ELAPOR2: variants seen among roughly 807,000 people sequenced by gnomAD.
ELAPOR2 encodes the protein endosome/lysosome-associated apoptosis and autophagy regulator family member 2.
A neutral mutation model predicts 120.7 loss-of-function variants in ELAPOR2; 89 were observed. That is an observed-to-expected ratio of 0.74 (90% CI 0.62 to 0.88). The LOEUF (loss-of-function observed/expected upper bound fraction) is 0.88. Among genes scored for constraint, ELAPOR2 ranks in the 40% least tolerant of loss-of-function variants. ELAPOR2 has a pLI of 0.00. For synonymous variants in ELAPOR2, 444 were observed against 444.9 expected, an observed-to-expected ratio of 1.00 and a Z score of 0.03; for missense variants, 1,134 against 1,251.6, an observed-to-expected ratio of 0.91 and a Z score of 1.42.
At chr7:87,003,674 A>G (rs763765351) in intron 1 of ELAPOR2, among the ~76,000 whole-genome samples, 3 of 152,144 alleles carry the variant, frequency 2.0e-5, no homozygotes, top group Non-Finnish European at 4.4e-5. Context: ...GGTCTTTATA[A>G]CAATGTGAGA....
intron 18 of ELAPOR2, among the ~76,000 whole-genome samples, chr7:86,905,992 C>T (rs762661870): frequency 3.3e-5 from 5 of 152,226 alleles, no homozygotes; most frequent in African/African-American, 4.8e-5. Context: ...ACACACCTTA[C>T]GAGAGTTAGA....
At chr7:86,912,308 G>A in intron 14 of ELAPOR2, 63 bp from the exon 15 acceptor site, 1 of 1,149,100 alleles carries the variant, frequency 8.7e-7, no homozygotes, top group Non-Finnish European at 1.2e-6. Context: ...ACTAAAATGT[G>A]TTTGAAAAAA....
intron 1 of ELAPOR2, among the ~76,000 whole-genome samples, chr7:87,000,420 C>T (rs1793280306): frequency 6.6e-6 from 1 of 152,018 alleles, no homozygotes; most frequent in Non-Finnish European, 1.5e-5. Context: ...AAATACAATT[C>T]CTGCCAGAGA....
intron 21 of ELAPOR2, 106 bp from the exon 22 acceptor site, chr7:86,880,636 AGTT>A: frequency 1.4e-6 from 1 of 716,398 alleles, no homozygotes; most frequent in Non-Finnish European, 2.4e-6. Flanking sequence ...TAACCTATCT[AGTT>A]GCCACTTGTG....
At chr7:86,990,678 T>C (rs1792916526) in intron 1 of ELAPOR2, among the ~76,000 whole-genome samples, 1 of 152,124 alleles carries the variant, frequency 6.6e-6, no homozygotes, top group Non-Finnish European at 1.5e-5. Context: ...ATTAAAAAAA[T>C]GGTTCAGAGA....
chr7:86,984,457 T>C (rs1346658982), intron 1 of ELAPOR2, among the ~76,000 whole-genome samples: 1 of 152,172 alleles, frequency 6.6e-6, no homozygotes, highest in African/African-American at 2.4e-5. Context: ...TTGGCAAATG[T>C]AAAAGAACAG....
chr7:86,925,705 C>T, intron 9 of ELAPOR2, 49 bp from the exon 10 acceptor site: 1 of 1,557,098 alleles, frequency 6.4e-7, no homozygotes, highest in Non-Finnish European at 8.8e-7. Flanking sequence ...TGCATATGGA[C>T]AACTTCTACT....
intron 12 of ELAPOR2, 105 bp from the exon 13 acceptor site, chr7:86,914,965 A>G (rs1178632653): frequency 5.4e-6 from 5 of 923,608 alleles, no homozygotes; most frequent in Non-Finnish European, 7.8e-6. Flanking sequence ...AACCCATTAC[A>G]GTTTATGACT....
chr7:86,983,837 T>C (rs1792604986), intron 1 of ELAPOR2, among the ~76,000 whole-genome samples: 1 of 152,108 alleles, frequency 6.6e-6, no homozygotes. Flanking sequence ...CACACAACAA[T>C]ATTAACCTTA....
intron 3 of ELAPOR2, 115 bp from the exon 4 acceptor site, chr7:86,945,161 C>T: frequency 1.1e-6 from 1 of 899,688 alleles, no homozygotes; most frequent in Non-Finnish European, 1.6e-6. Flanking sequence ...CAGCAGAAAA[C>T]ACCAGAAGCT....
intron 2 of ELAPOR2, among the ~76,000 whole-genome samples, chr7:86,951,781 T>C (rs1450444777): frequency 6.6e-6 from 1 of 152,224 alleles, no homozygotes; most frequent in East Asian, 1.9e-4. Flanking sequence ...TGTTTAAGTG[T>C]ATTTCTTTTT....
At chr7:86,898,708 T>C (rs1188084262) in intron 18 of ELAPOR2, among the ~76,000 whole-genome samples, 1 of 152,048 alleles carries the variant, frequency 6.6e-6, no homozygotes, top group Non-Finnish European at 1.5e-5. Context: ...GTATGATTAA[T>C]TGGCAGGAAA....
chr7:87,046,100 A>G (rs888666854), intron 1 of ELAPOR2, among the ~76,000 whole-genome samples: 1 of 152,214 alleles, frequency 6.6e-6, no homozygotes, highest in Non-Finnish European at 1.5e-5. Flanking sequence ...AAAAAATTCA[A>G]CAAGGTTGCA....
At chr7:87,011,729 C>T (rs1793686740) in intron 1 of ELAPOR2, among the ~76,000 whole-genome samples, 1 of 152,080 alleles carries the variant, frequency 6.6e-6, no homozygotes, top group Non-Finnish European at 1.5e-5. Context: ...ATTGAATAAG[C>T]TTTTCATATT....
intron 21 of ELAPOR2, among the ~76,000 whole-genome samples, chr7:86,882,908 T>TCC (rs1350944623): frequency 6.6e-6 from 1 of 151,940 alleles, no homozygotes; most frequent in Non-Finnish European, 1.5e-5. Flanking sequence ...AAAGCCAACT[T>TCC]CCCCCAGAAG....
At chr7:86,969,168 T>A (rs908925432) in intron 1 of ELAPOR2, among the ~76,000 whole-genome samples, 2 of 151,976 alleles carry the variant, frequency 1.3e-5, no homozygotes, top group African/African-American at 4.8e-5. Flanking sequence ...ATAACAAAAA[T>A]TCAAATTGTG....
chr7:86,897,768 A>C (rs1276929185), intron 18 of ELAPOR2, 136 bp from the exon 19 acceptor site: 2 of 932,250 alleles, frequency 2.1e-6, no homozygotes, highest in Admixed American at 2.5e-5. Flanking sequence ...AGTGGAAAAA[A>C]GTCTAAAAGA....
chr7:86,993,233 T>TAAAAAAA (rs1793006382), intron 1 of ELAPOR2, among the ~76,000 whole-genome samples: 1 of 38,974 alleles, frequency 2.6e-5, no homozygotes, highest in African/African-American at 2.4e-4. Context: ...AGACTCCATC[T>TAAAAAAA]CAAAAAAAAA....
intron 1 of ELAPOR2, among the ~76,000 whole-genome samples, chr7:87,008,518 G>T (rs1793556083): frequency 6.6e-6 from 1 of 152,160 alleles, no homozygotes; most frequent in Admixed American, 6.5e-5. Flanking sequence ...CTATTGTTCT[G>T]TCAAAGAATG....
Sources: gnomAD v4.1 joint callset for allele counts (sites outside exome capture counted in the v4.1 genomes callset) on GRCh38, gnomAD v4.1.1 for gene constraint, MANE v1.5 for transcripts, NCBI Gene and HGNC (gene_info 2026-07-23, HGNC 2026-07-21) for gene names.